The following NAP1L1 variants were observed in gnomAD, a reference collection of about 807,000 sequenced individuals.
NAP1L1 encodes nucleosome assembly protein 1 like 1.
In NAP1L1, 9 loss-of-function variants were observed where a neutral mutation model predicts 58.9. The ratio of observed to expected loss-of-function variants is 0.15; its 90% CI spans 0.09 to 0.27. NAP1L1 has a LOEUF of 0.27. Ranked by LOEUF, NAP1L1 falls within the 10% of genes least tolerant of loss-of-function variation. The pLI, the probability that NAP1L1 is intolerant of heterozygous loss-of-function variation, is 1.00. For synonymous variants in NAP1L1, 130 were observed against 138.3 expected, an observed-to-expected ratio of 0.94 and a Z score of 0.42; for missense variants, 302 against 458.8, an observed-to-expected ratio of 0.66 and a Z score of 3.12.
rs1180003333 is a variant in NAP1L1, at chr12:76,044,682, A to G, written c.*3747T>C. ...ACTGTCTGTACTAAGATTTTAGTGA[A>G]TAACTTAATTTTTGTAAACTGGAAA... On this transcript the variant is annotated 3_prime_UTR_variant, in exon 15 of 15. Coordinates refer to ENST00000618691, the MANE Select transcript of NAP1L1 (RefSeq NM_004537.7). 6.6e-6 allele frequency: 1 copy of G among 152,242 alleles called. No homozygotes were observed. The highest frequency in any genetic ancestry group is 1.9e-4 in the East Asian group (1 of 5,200). The allele number at this position is 152,242 out of a possible 1,614,324, so 9.4% of individuals were successfully genotyped here.
chr12:76,071,943 T>C (rs901019973), intron 2 of NAP1L1, among the ~76,000 whole-genome samples: 2 of 122,418 alleles, frequency 1.6e-5, no homozygotes, highest in African/African-American at 6.6e-5. Context: ...TGTTCAACGA[T>C]GAATCTGACT....
intron 7 of NAP1L1, among the ~76,000 whole-genome samples, chr12:76,055,707 T>C (rs976513974): frequency 2.0e-5 from 3 of 152,190 alleles, no homozygotes; most frequent in Non-Finnish European, 4.4e-5. Flanking sequence ...GTTAAGGGAA[T>C]TGCATAATTG....
chr12:76,062,084 CT>C (rs1949442474), intron 4 of NAP1L1, among the ~76,000 whole-genome samples: 2 of 152,200 alleles, frequency 1.3e-5, no homozygotes, highest in African/African-American at 4.8e-5. Context: ...CGCAAGAAAG[CT>C]TTTTAAGTTC....
At chr12:76,049,118 G>A in intron 14 of NAP1L1, 82 bp downstream of exon 14, 1 of 1,371,950 alleles carries the variant, frequency 7.3e-7, no homozygotes, top group Non-Finnish European at 1.0e-6. Flanking sequence ...GACTTTAACG[G>A]AGAGAAACTT....
Position 76,053,881 on chromosome 12 carries a change from G to A in NAP1L1, c.659C>T (p.Pro220Leu). ...MSFVLEFHFE[P>L]NEYFTNEVLT... The stretch of plus-strand genomic sequence containing the variant: ...CACTTCATTTGTAAAATATTCATTG[G>A]GTTCAAAGTGAAATTCTAAGACAAA... Residue 220 changes from proline (P) to leucine (L), a missense_variant, in exon 9 of 15, where the codon CCC becomes CTC. Physicochemically the swap from Pro to Leu is moderately conservative, Grantham distance 98. Transcript: ENST00000618691. 6.3e-7 allele frequency: 1 copy of A among 1,594,902 alleles called. No homozygotes were observed. Among genetic ancestry groups the A allele is most frequent in the Non-Finnish European group, 8.5e-7 (1 of 1,175,060 alleles).
Position 76,056,180 on chromosome 12 carries a change from A to G in NAP1L1, c.430-19T>C. On this transcript the variant is annotated intron_variant, in intron 6 of 14. Coordinates refer to ENST00000618691, the MANE Select transcript of NAP1L1 (RefSeq NM_004537.7). ...ATTCCTCCTTGATTAAGTGACAGCA[A>G]ACATTATTTAATACATAGATTAGAC... 6.2e-7 allele frequency: 1 copy of G among 1,603,546 alleles called. No individual in the cohort carries two copies. The highest frequency in any genetic ancestry group is 8.5e-7 in the Non-Finnish European group (1 of 1,176,260).
At chr12:76,052,397 T>G (rs1402397657) in intron 11 of NAP1L1, among the ~76,000 whole-genome samples, 1 of 152,230 alleles carries the variant, frequency 6.6e-6, no homozygotes, top group African/African-American at 2.4e-5. Context: ...TCTCTTTTTT[T>G]GTCCTATAAG....
chr12:76,075,414 G>A (rs771554649), intron 1 of NAP1L1, among the ~76,000 whole-genome samples: 37 of 152,136 alleles, frequency 2.4e-4, no homozygotes, highest in South Asian at 6.2e-4. Flanking sequence ...TCATAGCAAC[G>A]TATTATGCCT....
chr12:76,066,302 C>G (rs1838889401), intron 4 of NAP1L1, among the ~76,000 whole-genome samples: 1 of 151,892 alleles, frequency 6.6e-6, no homozygotes, highest in African/African-American at 2.4e-5. Context: ...GGAGGGACTT[C>G]TTAAAAAGTT....
At position 76,043,982 on chromosome 12, in the gene NAP1L1, G is replaced by A. The variant is rs1026621944; in HGVS notation, c.*4447C>T. The A allele has an allele frequency of 6.6e-6, 1 of 152,094 alleles. No homozygotes were observed. The highest frequency in any genetic ancestry group is 6.6e-5 in the Admixed American group (1 of 15,254). The allele number at this position is 152,094 out of a possible 1,614,324, so 9.4% of individuals were successfully genotyped here. A position where few individuals can be genotyped will look rare whatever the true frequency, so the allele number is the denominator to read the frequency against. On this transcript the variant is annotated 3_prime_UTR_variant, in exon 15 of 15. Transcript: ENST00000618691. ...CCTAGTTCCTTCTTTTTGGCTTTAA[G>A]TTTAAAACATGTAAGAAACTGGCTG...
intron 6 of NAP1L1, chr12:76,057,816 G>A (rs1224261644): frequency 3.9e-6 from 6 of 1,546,522 alleles, no homozygotes; most frequent in East Asian, 2.4e-5. Context: ...AAGAGGAGAA[G>A]AAAAAACAGA....
intron 11 of NAP1L1, 54 bp from the exon 12 acceptor site, chr12:76,050,707 A>AT: frequency 6.4e-7 from 1 of 1,565,494 alleles, no homozygotes; most frequent in Non-Finnish European, 8.7e-7. Context: ...GTGTTACTTA[A>AT]TTTGGCACAT....
intron 1 of NAP1L1, among the ~76,000 whole-genome samples, chr12:76,083,281 T>G (rs1950476553): frequency 6.6e-6 from 1 of 152,118 alleles, no homozygotes; most frequent in Non-Finnish European, 1.5e-5. Context: ...AGTATCTTAT[T>G]CTAGTGACTT....
chr12:76,043,646 CAATTCCTTG>C lies in NAP1L1; in HGVS notation c.*4774_*4782del, dbSNP rs2136935978. The C allele has an allele frequency of 6.6e-6, 1 of 152,322 alleles. No homozygotes were observed. The highest frequency in any genetic ancestry group is 2.1e-4 in the South Asian group (1 of 4,818). 9.4% of individuals were successfully genotyped at this position (152,322 alleles called of 1,614,324 possible). A position where few individuals can be genotyped will look rare whatever the true frequency, so the allele number is the denominator to read the frequency against. On this transcript the variant is annotated 3_prime_UTR_variant, in exon 15 of 15. Transcript: ENST00000618691. ...TTTCTACCTGTATTTCCAGGTATCT[CAATTCCTTG>C]AATGTAGCCTCAATTGTTCTGTTCT...
In NAP1L1 at chr12:76,044,262, A is replaced by C. The variant is rs570653226; in HGVS notation, c.*4167T>G. Reference sequence around the variant, plus strand: ...AGCTGTAGTGAGCCGAGATCATGCCACTGCACTCCAGCCTGGGCAACAGAG... The same window carrying C: ...AGCTGTAGTGAGCCGAGATCATGCCCCTGCACTCCAGCCTGGGCAACAGAG... On this transcript the variant is annotated 3_prime_UTR_variant, in exon 15 of 15. Transcript: ENST00000618691. 1.0e-4 allele frequency: 16 copies of C among 152,396 alleles called. No individual in the cohort carries two copies. The highest frequency in any genetic ancestry group is 3.6e-4 in the African/African-American group (15 of 41,572). The allele number at this position is 152,396 out of a possible 1,614,324, so 9.4% of individuals were successfully genotyped here. A position where few individuals can be genotyped will look rare whatever the true frequency, so the allele number is the denominator to read the frequency against.
intron 1 of NAP1L1, among the ~76,000 whole-genome samples, chr12:76,080,433 C>T (rs1483225245): frequency 6.6e-6 from 1 of 152,178 alleles, no homozygotes; most frequent in East Asian, 1.9e-4. Flanking sequence ...CAGTATTCAA[C>T]ATAGCAACAT....
At chr12:76,065,052 T>C (rs1452688286) in intron 4 of NAP1L1, among the ~76,000 whole-genome samples, 4 of 152,130 alleles carry the variant, frequency 2.6e-5, no homozygotes, top group African/African-American at 7.2e-5. Flanking sequence ...CAACACAAGC[T>C]CATTTCACTA....
chr12:76,070,929 G>C (rs1357762070), intron 2 of NAP1L1, among the ~76,000 whole-genome samples: 2 of 152,064 alleles, frequency 1.3e-5, no homozygotes, highest in Non-Finnish European at 2.9e-5. Flanking sequence ...CCAACATTCC[G>C]GAAGCCAAGG....
At chr12:76,073,792 G>C (rs887402504) in intron 2 of NAP1L1, 4 of 156,796 alleles carry the variant, frequency 2.6e-5, no homozygotes, top group African/African-American at 9.6e-5. Context: ...TGATAGTAAT[G>C]TTCTATTTTT....
Sources: gnomAD v4.1 joint callset for allele counts (sites outside exome capture counted in the v4.1 genomes callset) on GRCh38, gnomAD v4.1.1 for gene constraint, MANE v1.5 for transcripts, NCBI Gene and HGNC (gene_info 2026-07-23, HGNC 2026-07-21) for gene names.